Variants in TKT observed in about 807,000 individuals in gnomAD.
The protein encoded by TKT is transketolase, also known as epididymis luminal protein 107.
In TKT, 47 loss-of-function variants were observed where a neutral mutation model predicts 63.9. That is an observed-to-expected ratio of 0.74 (90% confidence interval 0.58 to 0.94). TKT has a LOEUF of 0.94. TKT is among the 40% of genes least tolerant of loss of function. The probability of loss-of-function intolerance (pLI) is 0.00; values close to 1 mark genes in which losing one functional copy is unlikely to be tolerated. For synonymous variants in TKT, 338 were observed against 334.1 expected, an observed-to-expected ratio of 1.01 and a Z score of -0.13; for missense variants, 721 against 846.2, an observed-to-expected ratio of 0.85 and a Z score of 1.84.
At chr3:53,232,070 C>G (rs935111372) in intron 6 of TKT, 4 of 336,258 alleles carry the variant, frequency 1.2e-5, no homozygotes, top group African/African-American at 8.4e-5. Flanking sequence ...CATGCCCACC[C>G]CATGGCACCT....
intron 13 of TKT, chr3:53,226,201 T>C (rs2106652874): frequency 2.5e-6 from 1 of 406,262 alleles, no homozygotes; most frequent in East Asian, 4.0e-5. Context: ...ATTGCAGGTG[T>C]GAGCCACCAT....
chr3:53,225,819 C>A lies in TKT; in HGVS notation c.1809G>T (p.Lys603Asn), dbSNP rs782014590. The change falls in exon 14 of 14, where the codon AAG (lysine) becomes AAT (asparagine). Residue 603 changes from lysine to asparagine, a missense_variant. Coordinates refer to ENST00000462138, the MANE Select transcript of TKT (RefSeq NM_001064.4). ...TGGCATCCCTGTCGATACCAAACAT[C>A]TTCAGCAGCTCAGCCGGCTTCCCAC... is the stretch of plus-strand genomic sequence containing the variant. ...PRSGKPAELLKMFGIDRDAIA... is the reference protein window; with the variant it reads ...PRSGKPAELLNMFGIDRDAIA... The A allele has an allele frequency of 3.7e-6, 6 of 1,614,156 alleles. No homozygotes were observed. In the South Asian group the frequency reaches 6.6e-5, roughly 18 times the overall value.
At chr3:53,235,829 A>C (rs1705002101) in intron 4 of TKT, among the ~76,000 whole-genome samples, 1 of 138,228 alleles carries the variant, frequency 7.2e-6, no homozygotes, top group African/African-American at 2.6e-5. Flanking sequence ...TTTCTCTACC[A>C]CAGGGGCCCT....
chr3:53,231,448 ATCT>A lies in TKT; in HGVS notation c.848_850del (p.Lys283del), dbSNP rs782784738. ...GTCCTCCTGTGGAGGGGTTGCCAGGATCTTCTTTTTGCTCTGGATCTGGCTGTA... is the reference window on the plus strand; with the variant it reads ...GTCCTCCTGTGGAGGGGTTGCCAGGATCTTTTTGCTCTGGATCTGGCTGTA... On this transcript the variant is annotated inframe_deletion, in exon 7 of 14. Transcript: ENST00000462138. 6.8e-6 allele frequency: 11 copies of A among 1,614,100 alleles called. No homozygotes were observed. Among genetic ancestry groups the A allele is most frequent in the East Asian group, 2.2e-5 (1 of 44,880 alleles).
chr3:53,247,546 A>C (rs1705569299), intron 1 of TKT, among the ~76,000 whole-genome samples: 1 of 143,744 alleles, frequency 7.0e-6, no homozygotes, highest in African/African-American at 2.6e-5. Context: ...AGGCTAAGGC[A>C]GGAGAATTGC....
intron 1 of TKT, among the ~76,000 whole-genome samples, chr3:53,253,763 C>CA (rs1214641347): frequency 8.6e-5 from 13 of 150,990 alleles, no homozygotes; most frequent in African/African-American, 2.2e-4. Flanking sequence ...GACTCCATCT[C>CA]AAAAAAAAAA....
intron 13 of TKT, 197 bp downstream of exon 13, chr3:53,226,559 C>T (rs1704505297): frequency 1.5e-6 from 1 of 659,364 alleles, no homozygotes; most frequent in South Asian, 1.9e-5. Flanking sequence ...CAGAGCTCAT[C>T]AGCAGCTGTG....
At chr3:53,245,898 C>T (rs1247250387) in intron 1 of TKT, among the ~76,000 whole-genome samples, 1 of 152,342 alleles carries the variant, frequency 6.6e-6, no homozygotes, top group Non-Finnish European at 1.5e-5. Flanking sequence ...CGAAGATGCA[C>T]ATCCCTTAAC....
rs570033632 is a variant in TKT, at chr3:53,242,765, C to G, written c.108-523G>C. Among the ~76,000 whole-genome samples, 20 of 152,274 alleles carry G rather than the reference C, an allele frequency of 1.3e-4. No individual in the cohort carries two copies. In the South Asian group the frequency reaches 4.1e-3, roughly 32 times the overall value. ...TGTGAAGGGCACCCTGCCCTCTCAG[C>G]ACCCAGGGGTGCTGGGCCTCTGAGC... On this transcript the variant is annotated intron_variant, in intron 1 of 13. Coordinates refer to ENST00000462138, the MANE Select transcript of TKT (RefSeq NM_001064.4).
chr3:53,232,093 C>T lies in TKT; in HGVS notation c.749-543G>A, dbSNP rs533871214. The T allele has an allele frequency of 7.7e-4, 276 of 357,270 alleles. 1 individual carries two copies. Among genetic ancestry groups the T allele is most frequent in the Non-Finnish European group, 1.1e-3 (219 of 200,028 alleles). The allele number at this position is 357,270 out of a possible 1,614,324, so 22.1% of individuals were successfully genotyped here. On this transcript the variant is annotated intron_variant, in intron 6 of 13. Transcript: ENST00000462138. ...CCCCATGGCACCTTGTTGTGTGCGGCCAGGAAGGCTGAATATCCCTCTCCC... is the reference window on the plus strand; with the variant it reads ...CCCCATGGCACCTTGTTGTGTGCGGTCAGGAAGGCTGAATATCCCTCTCCC...
intron 6 of TKT, chr3:53,232,515 C>G (rs735940): frequency 5.0e-6 from 2 of 398,644 alleles, no homozygotes; most frequent in South Asian, 1.3e-4. Flanking sequence ...CCTCTGTCCC[C>G]GGGCAAGTCC....
intron 2 of TKT, among the ~76,000 whole-genome samples, chr3:53,241,743 C>G (rs373026995): frequency 2.0e-5 from 3 of 152,188 alleles, no homozygotes; most frequent in African/African-American, 7.2e-5. Flanking sequence ...GCCGTGGCCT[C>G]GGGAGCGCTG....
intron 1 of TKT, among the ~76,000 whole-genome samples, chr3:53,251,366 C>G (rs1553681632): frequency 6.6e-6 from 1 of 152,224 alleles, no homozygotes; most frequent in Non-Finnish European, 1.5e-5. Flanking sequence ...GACAAGGCCA[C>G]TGGGGTTTTG....
At chr3:53,232,373 A>G (rs900494) in intron 6 of TKT, 392,083 of 398,726 alleles carry the variant, frequency 0.98, 193,094 homozygotes, top group East Asian at 1. Context: ...CACTCAGAAC[A>G]TCCTCATATA....
At chr3:53,241,060 A>C in intron 3 of TKT, 72 bp downstream of exon 3, 1 of 1,340,272 alleles carries the variant, frequency 7.5e-7, no homozygotes. Context: ...GGCACCCCCT[A>C]CCCCCGTCCC....
intron 10 of TKT, chr3:53,228,705 C>T (rs77442860): frequency 0.011 from 5,577 of 519,988 alleles, 286 homozygotes; most frequent in South Asian, 0.092. Flanking sequence ...CTCAGCTCAT[C>T]CTTGCCTGTC....
chr3:53,238,370 A>G (rs1705127762), intron 4 of TKT, among the ~76,000 whole-genome samples: 1 of 152,238 alleles, frequency 6.6e-6, no homozygotes, highest in Non-Finnish European at 1.5e-5. Context: ...TTCTGGGTGT[A>G]GCCAAGCCTG....
intron 5 of TKT, chr3:53,234,714 C>G (rs1343713055): frequency 5.7e-6 from 2 of 348,412 alleles, no homozygotes; most frequent in African/African-American, 4.2e-5. Flanking sequence ...AGCGAGCTGA[C>G]GTGAGATGGT....
chr3:53,243,541 T>C lies in TKT; in HGVS notation c.108-1299A>G, dbSNP rs572351950. ...AAATCCAGAAAACTGTCCATGCTGGTTTAGTACCAACATTCTCGCACACGA... is the reference window on the plus strand; with the variant it reads ...AAATCCAGAAAACTGTCCATGCTGGCTTAGTACCAACATTCTCGCACACGA... On this transcript the variant is annotated intron_variant, in intron 1 of 13. Coordinates refer to ENST00000462138, the MANE Select transcript of TKT (RefSeq NM_001064.4). 1.6e-4 allele frequency: 75 copies of C among 456,458 alleles called. 1 individual carries two copies. Among genetic ancestry groups the C allele is most frequent in the African/African-American group, 1.4e-3 (69 of 50,186 alleles). 28.3% of individuals were successfully genotyped at this position (456,458 alleles called of 1,614,324 possible).
Sources: gnomAD v4.1 joint callset for allele counts (sites outside exome capture counted in the v4.1 genomes callset) on GRCh38, gnomAD v4.1.1 for gene constraint, MANE v1.5 for transcripts, NCBI Gene and HGNC (gene_info 2026-07-23, HGNC 2026-07-21) for gene names.